The following SCD5 variants were observed in gnomAD, a reference collection of about 807,000 sequenced individuals.
SCD5 encodes acyl-CoA-desaturase 4.
SCD5 carries 20 observed loss-of-function variants against 30.4 expected under a neutral mutation model. The observed-to-expected ratio is 0.66, with a 90% CI of 0.46 to 0.96. The LOEUF (loss-of-function observed/expected upper bound fraction) is 0.96. Among genes scored for constraint, SCD5 ranks in the 40% least tolerant of loss-of-function variants. The pLI, the probability that SCD5 is intolerant of heterozygous loss-of-function variation, is 0.00. For synonymous variants in SCD5, 173 were observed against 176.4 expected, an observed-to-expected ratio of 0.98 and a Z score of 0.16; for missense variants, 381 against 443.3, an observed-to-expected ratio of 0.86 and a Z score of 1.26.
At chr4:82,728,307 A>C (rs775014070) in intron 1 of SCD5, among the ~76,000 whole-genome samples, 6 of 152,134 alleles carry the variant, frequency 3.9e-5, no homozygotes, top group Non-Finnish European at 5.9e-5. Flanking sequence ...GGAGGAATTT[A>C]GTTTCTAGTT....
At chr4:82,753,471 A>G (rs1258948101) in intron 1 of SCD5, 2 of 489,068 alleles carry the variant, frequency 4.1e-6, no homozygotes, top group East Asian at 6.4e-5. Context: ...ACGCGGGTGG[A>G]CTCTGACAGT....
intron 1 of SCD5, among the ~76,000 whole-genome samples, chr4:82,779,283 T>C (rs1721819231): frequency 6.6e-6 from 1 of 151,988 alleles, no homozygotes; most frequent in African/African-American, 2.4e-5. Flanking sequence ...CGTGATGTCA[T>C]GTGAGAAGGA....
intron 1 of SCD5, among the ~76,000 whole-genome samples, chr4:82,747,379 C>T (rs1179605888): frequency 2.0e-5 from 3 of 152,176 alleles, no homozygotes; most frequent in African/African-American, 7.2e-5. Context: ...AGCCAGAGCT[C>T]ACACAGACTC....
At chr4:82,681,551 C>A (rs766292852) in intron 2 of SCD5, among the ~76,000 whole-genome samples, 6 of 152,110 alleles carry the variant, frequency 3.9e-5, no homozygotes, top group Admixed American at 3.9e-4. Flanking sequence ...AATCCGAATA[C>A]CACTGTCCTC....
intron 1 of SCD5, among the ~76,000 whole-genome samples, chr4:82,791,409 A>C (rs1211160813): frequency 1.3e-5 from 2 of 148,962 alleles, no homozygotes; most frequent in Non-Finnish European, 3.0e-5. Flanking sequence ...AGGGGAAATA[A>C]AATTGGAAAA....
chr4:82,645,064 G>A (rs1473030433), intron 3 of SCD5, among the ~76,000 whole-genome samples: 3 of 152,064 alleles, frequency 2.0e-5, no homozygotes, highest in Admixed American at 6.5e-5. Context: ...CTGTAATTCC[G>A]GCACTTTGGA....
intron 2 of SCD5, among the ~76,000 whole-genome samples, chr4:82,704,689 T>C (rs1719931638): frequency 6.6e-6 from 1 of 152,112 alleles, no homozygotes. Flanking sequence ...CCCATCAGAG[T>C]AAAATCCCTG....
rs560734464 is a variant in SCD5 at position 82,648,263 on chromosome 4, T to G, written c.570-11440A>C. Reference sequence around the variant, plus strand: ...CTTTCATCCCAGCCCCTCCACCACATGCAAACTTCTGGATTGCAAACCTGG... The same window carrying G: ...CTTTCATCCCAGCCCCTCCACCACAGGCAAACTTCTGGATTGCAAACCTGG... On this transcript the variant is annotated intron_variant, in intron 3 of 4. Transcript: ENST00000319540. Among the ~76,000 whole-genome samples the G allele has an allele frequency of 3.3e-5, 5 of 152,330 alleles. No individual in the cohort carries two copies. The East Asian group carries it at 5.8e-4, about 18-fold the overall frequency.
At chr4:82,691,266 T>C (rs1728829964) in intron 2 of SCD5, among the ~76,000 whole-genome samples, 1 of 152,162 alleles carries the variant, frequency 6.6e-6, no homozygotes, top group African/African-American at 2.4e-5. Context: ...CCTCAGGTGA[T>C]CCACCTGCCT....
At chr4:82,741,556 G>A (rs1312664535) in intron 1 of SCD5, among the ~76,000 whole-genome samples, 1 of 152,178 alleles carries the variant, frequency 6.6e-6, no homozygotes, top group Non-Finnish European at 1.5e-5. Context: ...AAAGAATCAT[G>A]AGAAATAGTC....
At chr4:82,747,319 C>A (rs917900381) in intron 1 of SCD5, among the ~76,000 whole-genome samples, 1 of 152,174 alleles carries the variant, frequency 6.6e-6, no homozygotes, top group Non-Finnish European at 1.5e-5. Context: ...AGGAAACTGG[C>A]ACTTGGGAAG....
At chr4:82,726,868 T>C (rs762390769) in intron 1 of SCD5, among the ~76,000 whole-genome samples, 8 of 152,284 alleles carry the variant, frequency 5.3e-5, no homozygotes, top group Non-Finnish European at 1.2e-4. Flanking sequence ...CCTGGAGCTG[T>C]CACAAAGCTG....
chr4:82,724,327 T>C (rs1720428265), intron 1 of SCD5, among the ~76,000 whole-genome samples: 2 of 152,158 alleles, frequency 1.3e-5, no homozygotes, highest in Admixed American at 1.3e-4. Context: ...GGGCTAAACC[T>C]TGCTTTAGGC....
intron 3 of SCD5, among the ~76,000 whole-genome samples, chr4:82,650,614 G>A (rs1053141683): frequency 2.0e-5 from 3 of 152,026 alleles, no homozygotes; most frequent in South Asian, 2.1e-4. Flanking sequence ...GAGATCACCC[G>A]AGCCTGGGGA....
intron 1 of SCD5, among the ~76,000 whole-genome samples, chr4:82,769,138 C>T (rs1482757699): frequency 6.6e-6 from 1 of 152,154 alleles, no homozygotes; most frequent in Non-Finnish European, 1.5e-5. Context: ...CCCTCAAGCA[C>T]ATTAGACTGG....
intron 3 of SCD5, among the ~76,000 whole-genome samples, chr4:82,677,212 C>T (rs186951021): frequency 1.3e-4 from 20 of 152,208 alleles, no homozygotes; most frequent in African/African-American, 4.8e-4. Flanking sequence ...ACATTGCACC[C>T]TGGGAGTGTG....
Position 82,699,893 on chromosome 4 carries a change from C to T in SCD5, c.363+5390G>A, listed in dbSNP as rs182582056. On this transcript the variant is annotated intron_variant, in intron 2 of 4. Coordinates refer to ENST00000319540, the MANE Select transcript of SCD5 (RefSeq NM_001037582.3). ...GCCAGGATGGTCTCGATCTCTTGAC[C>T]TCGTAATCCGCCTGCCTCGGCCTCC... Among the ~76,000 whole-genome samples the T allele has an allele frequency of 5.0e-3, 763 of 151,910 alleles. 12 individuals are homozygous for T. The highest frequency in any genetic ancestry group is 0.024 in the Middle Eastern group (7 of 294).
Position 82,654,409 on chromosome 4 carries a change from T to TGTAATTTTCATATTTTAGACTA in SCD5, c.570-17608_570-17587dup, listed in dbSNP as rs1727826529. Among the ~76,000 whole-genome samples, 3 of 152,222 alleles carry TGTAATTTTCATATTTTAGACTA rather than the reference T, an allele frequency of 2.0e-5. No homozygotes were observed. The South Asian group carries it at 6.2e-4, about 32-fold the overall frequency. On this transcript the variant is annotated intron_variant, in intron 3 of 4. Transcript: ENST00000319540. ...CTGGGAATTCATCCCTTTTACTCTT[T>TGTAATTTTCATATTTTAGACTA]GTAATTTTCATATTTTAGACTAAGA...
intron 2 of SCD5, among the ~76,000 whole-genome samples, chr4:82,688,115 C>T (rs1328846330): frequency 2.6e-5 from 4 of 152,226 alleles, no homozygotes; most frequent in East Asian, 3.9e-4. Flanking sequence ...AGTTCCAGAA[C>T]AAAAAACTTC....
Sources: allele counts gnomAD v4.1 joint callset (sites outside exome capture counted in the v4.1 genomes callset), GRCh38; gene constraint gnomAD v4.1.1; transcripts MANE v1.5; gene names NCBI Gene and HGNC (gene_info 2026-07-23, HGNC 2026-07-21).